LOXL2: variants seen among roughly 807,000 people sequenced by gnomAD.
The protein encoded by LOXL2 is lysyl oxidase homolog 2.
Under a neutral mutation model 93.0 loss-of-function variants are expected in LOXL2, and 70 were observed. The ratio of observed to expected loss-of-function variants is 0.75; its 90% CI spans 0.62 to 0.92. The LOEUF (loss-of-function observed/expected upper bound fraction) is 0.92. Ranked by LOEUF, LOXL2 falls within the 40% of genes least tolerant of loss-of-function variation. The pLI is 0.00. For missense variants in LOXL2, 973 were observed against 1,054.9 expected, an observed-to-expected ratio of 0.92 and a Z score of 1.08; for synonymous variants, 438 against 413.2, an observed-to-expected ratio of 1.06 and a Z score of -0.73.
intron 3 of LOXL2, among the ~76,000 whole-genome samples, chr8:23,359,027 T>C (rs71515825): frequency 6.6e-6 from 1 of 152,040 alleles, no homozygotes; most frequent in African/African-American, 2.4e-5. Flanking sequence ...CTTTTTTTTG[T>C]ATTTTTAGTA....
At chr8:23,371,983 A>G (rs73549844) in intron 1 of LOXL2, among the ~76,000 whole-genome samples, 182 of 152,156 alleles carry the variant, frequency 1.2e-3, no homozygotes, top group African/African-American at 4.0e-3. Flanking sequence ...TAACAGGTTA[A>G]TAAGGGGGTT....
chr8:23,338,369 C>T (rs1039534742), intron 4 of LOXL2, among the ~76,000 whole-genome samples: 2 of 151,902 alleles, frequency 1.3e-5, no homozygotes, highest in Non-Finnish European at 2.9e-5. Context: ...CGAGTGGCCA[C>T]CAGCCCAGCA....
At chr8:23,324,764 TG>T (rs1416441170) in intron 6 of LOXL2, among the ~76,000 whole-genome samples, 6 of 152,308 alleles carry the variant, frequency 3.9e-5, no homozygotes, top group Non-Finnish European at 1.5e-5. Context: ...ACGGCTTCCA[TG>T]GGTCCAGGCC....
At position 23,374,817 on chromosome 8, in the gene LOXL2, T is replaced by C. The variant is rs571405603; in HGVS notation, c.-83-6383A>G. Among the ~76,000 whole-genome samples, 3 of 152,362 alleles carry C rather than the reference T, an allele frequency of 2.0e-5. No individual in the cohort carries two copies. The South Asian group carries it at 6.2e-4, about 32-fold the overall frequency. On this transcript the variant is annotated intron_variant, in intron 1 of 13. Transcript: ENST00000389131. ...GGATTGTTTTTATTTTCTTGTAAAT[T>C]TGAGTTCTTTGTAGATTCTGGATAT...
intron 9 of LOXL2, among the ~76,000 whole-genome samples, chr8:23,311,375 G>A (rs1032626945): frequency 6.6e-6 from 1 of 152,250 alleles, no homozygotes; most frequent in Non-Finnish European, 1.5e-5. Flanking sequence ...TTACTGACAA[G>A]TATTTCTTCT....
At chr8:23,345,507 C>G (rs984560215) in intron 3 of LOXL2, among the ~76,000 whole-genome samples, 1 of 152,208 alleles carries the variant, frequency 6.6e-6, no homozygotes, top group African/African-American at 2.4e-5. Context: ...CGGGAGGAGG[C>G]AGGGAAGCCC....
intron 1 of LOXL2, among the ~76,000 whole-genome samples, chr8:23,375,974 T>C (rs1019700533): frequency 1.3e-5 from 2 of 152,200 alleles, no homozygotes; most frequent in African/African-American, 2.4e-5. Flanking sequence ...TCCAACACTA[T>C]GTTGAATAGG....
intron 1 of LOXL2, among the ~76,000 whole-genome samples, chr8:23,377,938 C>T (rs1409143147): frequency 1.3e-5 from 2 of 152,176 alleles, no homozygotes; most frequent in Non-Finnish European, 1.5e-5. Context: ...AGCCCATTTA[C>T]ATTTAAGGTT....
intron 3 of LOXL2, among the ~76,000 whole-genome samples, chr8:23,357,763 A>G (rs1188894517): frequency 6.6e-6 from 1 of 152,116 alleles, no homozygotes; most frequent in African/African-American, 2.4e-5. Flanking sequence ...AGGCCCATCT[A>G]AGATGTTACA....
chr8:23,347,771 C>T (rs1025325426), intron 3 of LOXL2, among the ~76,000 whole-genome samples: 5 of 152,078 alleles, frequency 3.3e-5, no homozygotes, highest in East Asian at 1.9e-4. Flanking sequence ...GAGTCCAAGA[C>T]CAGCCTAGGC....
intron 1 of LOXL2, chr8:23,385,673 C>T: frequency 2.0e-6 from 1 of 487,880 alleles, no homozygotes; most frequent in Non-Finnish European, 3.7e-6. Flanking sequence ...ACAGGTATTT[C>T]ATCCTCTCGT....
intron 3 of LOXL2, among the ~76,000 whole-genome samples, chr8:23,354,956 T>A (rs1263046366): frequency 0.23 from 18,436 of 80,368 alleles, 2,626 homozygotes; most frequent in African/African-American, 0.4. Context: ...TATATTTTTT[T>A]TTTTTTTTTT....
At chr8:23,343,468 C>T (rs77101266) in intron 3 of LOXL2, among the ~76,000 whole-genome samples, 4 of 152,272 alleles carry the variant, frequency 2.6e-5, no homozygotes, top group Middle Eastern at 3.4e-3. Flanking sequence ...TGGTCCAAGC[C>T]GGGCTGGAAG....
intron 9 of LOXL2, among the ~76,000 whole-genome samples, chr8:23,315,415 C>T (rs1803379220): frequency 6.6e-6 from 1 of 152,200 alleles, no homozygotes; most frequent in African/African-American, 2.4e-5. Context: ...GCCCCAAAGC[C>T]TACTGCCCCG....
intron 2 of LOXL2, among the ~76,000 whole-genome samples, chr8:23,360,962 G>A (rs959873740): frequency 6.6e-6 from 1 of 151,692 alleles, no homozygotes; most frequent in South Asian, 2.1e-4. Flanking sequence ...GTGCAGTGGC[G>A]TGATCTTGGC....
intron 5 of LOXL2, chr8:23,328,856 G>A (rs913625789): frequency 5.6e-6 from 2 of 355,916 alleles, no homozygotes; most frequent in Non-Finnish European, 1.0e-5. Flanking sequence ...GGAGCCCATT[G>A]GGGACCGTCG....
At chr8:23,302,365 G>A (rs191075098) in intron 11 of LOXL2, among the ~76,000 whole-genome samples, 3 of 152,226 alleles carry the variant, frequency 2.0e-5, no homozygotes, top group Non-Finnish European at 1.5e-5. Flanking sequence ...CTCAGGCCAG[G>A]CTCAAGTTCC....
intron 1 of LOXL2, among the ~76,000 whole-genome samples, chr8:23,401,605 T>C (rs1800153125): frequency 1.0e-5 from 1 of 96,282 alleles, no homozygotes; most frequent in South Asian, 3.8e-4. Flanking sequence ...TATACCCTTC[T>C]CTCTACTTTT....
chr8:23,327,009 C>A (rs1429713296), intron 6 of LOXL2, among the ~76,000 whole-genome samples: 1 of 152,248 alleles, frequency 6.6e-6, no homozygotes, highest in African/African-American at 2.4e-5. Flanking sequence ...CAGTCTTTCT[C>A]TGCCAGCAAT....
Sources: allele counts gnomAD v4.1 joint callset (sites outside exome capture counted in the v4.1 genomes callset), GRCh38; gene constraint gnomAD v4.1.1; transcripts MANE v1.5; gene names NCBI Gene and HGNC (gene_info 2026-07-23, HGNC 2026-07-21).